Variants in OSBPL1A observed in about 807,000 individuals in gnomAD.
The protein encoded by OSBPL1A is oxysterol binding protein like 1A, also known as oxysterol-binding protein-related protein 1.
A neutral mutation model predicts 137.1 loss-of-function variants in OSBPL1A; 80 were observed. The observed-to-expected ratio is 0.58, with a 90% CI of 0.49 to 0.70. The LOEUF (loss-of-function observed/expected upper bound fraction) is 0.70, where lower values mean the gene tolerates loss of function less well. Among genes scored for constraint, OSBPL1A ranks in the 30% least tolerant of loss-of-function variants. The probability of loss-of-function intolerance (pLI) is 0.00; values close to 1 mark genes in which losing one functional copy is unlikely to be tolerated. For missense variants in OSBPL1A, 970 were observed against 1,129.4 expected, an observed-to-expected ratio of 0.86 and a Z score of 2.02; for synonymous variants, 365 against 389.7, an observed-to-expected ratio of 0.94 and a Z score of 0.75.
chr18:24,175,110 A>ATATATATATATATATATATATATATG (rs2086399505), intron 21 of OSBPL1A, among the ~76,000 whole-genome samples: 1 of 14,780 alleles, frequency 6.8e-5, no homozygotes, highest in African/African-American at 9.6e-5. Context: ...ATGTGTATGT[A>ATATATATATATATATATATATATATG]TATATATATA....
chr18:24,252,546 CA>C (rs34048721), intron 15 of OSBPL1A, among the ~76,000 whole-genome samples: 128,960 of 151,822 alleles, frequency 0.85, 55,851 homozygotes, highest in East Asian at 0.94. Context: ...GGGATTTCAT[CA>C]ACACCAGACG....
intron 11 of OSBPL1A, among the ~76,000 whole-genome samples, chr18:24,316,037 G>C (rs1387378369): frequency 6.7e-6 from 1 of 150,304 alleles, no homozygotes; most frequent in Non-Finnish European, 1.5e-5. Flanking sequence ...AAGGCAGGAG[G>C]ATTGCTTGAG....
chr18:24,220,179 T>A (rs1299492906), intron 17 of OSBPL1A, among the ~76,000 whole-genome samples: 2 of 152,274 alleles, frequency 1.3e-5, no homozygotes, highest in Non-Finnish European at 2.9e-5. Context: ...GTGGCAGGAC[T>A]GCCAACAGTC....
intron 7 of OSBPL1A, 119 bp downstream of exon 7, chr18:24,332,823 T>C: frequency 4.0e-6 from 5 of 1,260,260 alleles, no homozygotes; most frequent in Non-Finnish European, 5.5e-6. Context: ...GCTCCAAAAT[T>C]AAATAGAAAC....
At chr18:24,342,557 T>C (rs1022053880) in intron 4 of OSBPL1A, among the ~76,000 whole-genome samples, 3 of 152,218 alleles carry the variant, frequency 2.0e-5, no homozygotes, top group Admixed American at 1.3e-4. Flanking sequence ...CTACACGTTA[T>C]GCTGTCCTAG....
At chr18:24,200,388 C>A (rs1483888577) in intron 17 of OSBPL1A, among the ~76,000 whole-genome samples, 1 of 151,922 alleles carries the variant, frequency 6.6e-6, no homozygotes, top group Non-Finnish European at 1.5e-5. Context: ...ATGGTGAAAC[C>A]CTGTCTCTAC....
chr18:24,341,494 C>T, intron 5 of OSBPL1A, 53 bp downstream of exon 5: 2 of 1,393,144 alleles, frequency 1.4e-6, no homozygotes, highest in Non-Finnish European at 2.0e-6. Context: ...TTAGTCAGAA[C>T]CTTGGTTATA....
chr18:24,215,405 AAG>A (rs1248772440), intron 17 of OSBPL1A, among the ~76,000 whole-genome samples: 1 of 152,220 alleles, frequency 6.6e-6, no homozygotes, highest in Non-Finnish European at 1.5e-5. Context: ...GTGTTTTGAA[AAG>A]AGCTGTGTAT....
At chr18:24,284,223 T>C (rs980906936) in intron 14 of OSBPL1A, among the ~76,000 whole-genome samples, 2 of 78,680 alleles carry the variant, frequency 2.5e-5, no homozygotes, top group Non-Finnish European at 6.6e-5. Context: ...TAATGTTACA[T>C]AAAAAAAAAA....
intron 2 of OSBPL1A, among the ~76,000 whole-genome samples, chr18:24,368,831 G>A (rs376017134): frequency 6.6e-6 from 1 of 152,308 alleles, no homozygotes; most frequent in Admixed American, 6.5e-5. Context: ...AGTCAGTAAA[G>A]GATAGTTCCT....
chr18:24,288,529 A>T (rs1568002834), intron 14 of OSBPL1A, among the ~76,000 whole-genome samples: 2 of 152,250 alleles, frequency 1.3e-5, no homozygotes. Context: ...GCACTTTGGG[A>T]GGCCAAGGCA....
At chr18:24,176,409 A>C (rs941642734) in intron 21 of OSBPL1A, among the ~76,000 whole-genome samples, 1 of 152,116 alleles carries the variant, frequency 6.6e-6, no homozygotes, top group Non-Finnish European at 1.5e-5. Flanking sequence ...TCTGCCATTG[A>C]GCCTATCCCA....
intron 15 of OSBPL1A, among the ~76,000 whole-genome samples, chr18:24,240,827 C>G (rs1051861752): frequency 6.6e-6 from 1 of 152,214 alleles, no homozygotes; most frequent in African/African-American, 2.4e-5. Context: ...AAGCCACACT[C>G]CTTTCACTTT....
chr18:24,253,971 GA>G (rs2089191164), intron 15 of OSBPL1A, among the ~76,000 whole-genome samples: 1 of 152,154 alleles, frequency 6.6e-6, no homozygotes, highest in African/African-American at 2.4e-5. Flanking sequence ...GTCTTTTTGG[GA>G]AAAGGCTTTG....
chr18:24,260,050 A>G (rs2089404684), intron 15 of OSBPL1A, among the ~76,000 whole-genome samples: 1 of 152,210 alleles, frequency 6.6e-6, no homozygotes, highest in African/African-American at 2.4e-5. Context: ...TCTCCAAAAA[A>G]GACAGCCAGT....
chr18:24,189,656 C>G (rs939694572), intron 18 of OSBPL1A, among the ~76,000 whole-genome samples: 3 of 152,114 alleles, frequency 2.0e-5, no homozygotes, highest in African/African-American at 7.2e-5. Context: ...CTGCTCAGTT[C>G]CCCCCGCTCC....
chr18:24,315,895 ATAT>A (rs1053198139), intron 11 of OSBPL1A, among the ~76,000 whole-genome samples: 4 of 132,718 alleles, frequency 3.0e-5, no homozygotes, highest in South Asian at 2.2e-4. Flanking sequence ...TATATTAAAG[ATAT>A]TATATATTAT....
At chr18:24,254,911 G>C (rs180746421) in intron 15 of OSBPL1A, among the ~76,000 whole-genome samples, 130 of 152,174 alleles carry the variant, frequency 8.5e-4, no homozygotes, top group Middle Eastern at 3.4e-3. Context: ...GAAACAAAAA[G>C]ATGGTTTTTT....
intron 17 of OSBPL1A, among the ~76,000 whole-genome samples, chr18:24,206,727 C>T (rs902625356): frequency 3.3e-5 from 5 of 152,162 alleles, no homozygotes; most frequent in Admixed American, 3.3e-4. Flanking sequence ...CAAAGTCAGC[C>T]ACGATGTCAG....
Sources: gnomAD v4.1 joint callset for allele counts (sites outside exome capture counted in the v4.1 genomes callset) on GRCh38, gnomAD v4.1.1 for gene constraint, MANE v1.5 for transcripts, NCBI Gene and HGNC (gene_info 2026-07-23, HGNC 2026-07-21) for gene names.